CSMD1: variants seen among roughly 807,000 people sequenced by gnomAD.
CSMD1 encodes the protein CUB and Sushi multiple domains 1, also known as CUB and sushi domain-containing protein 1.
In CSMD1, 213 loss-of-function variants were observed where a neutral mutation model predicts 417.5. The observed-to-expected ratio is 0.51, with a 90% CI of 0.46 to 0.57. The LOEUF is 0.57. CSMD1 is among the 20% of genes least tolerant of loss of function. The pLI is 0.00. For synonymous variants in CSMD1, 2,862 were observed against 1,736.8 expected (o/e 1.65, Z -16.11); for missense variants, 6,923 against 4,529.7 (o/e 1.53, Z -15.17).
At chr8:3,907,473 G>A (rs1308187181) in intron 5 of CSMD1, among the ~76,000 whole-genome samples, 2 of 152,086 alleles carry the variant, frequency 1.3e-5, no homozygotes, top group East Asian at 1.9e-4. Context: ...AAGGCAGTAT[G>A]GTAAAAAATG....
At chr8:4,649,158 G>A (rs1174310337) in intron 1 of CSMD1, among the ~76,000 whole-genome samples, 2 of 152,114 alleles carry the variant, frequency 1.3e-5, no homozygotes, top group East Asian at 1.9e-4. Flanking sequence ...GCTCTAGACT[G>A]GCAGCCATGA....
intron 7 of CSMD1, among the ~76,000 whole-genome samples, chr8:3,679,886 C>G (rs947698609): frequency 2.0e-5 from 3 of 152,196 alleles, no homozygotes; most frequent in African/African-American, 4.8e-5. Flanking sequence ...GAAACTCACT[C>G]AAAACCACAC....
chr8:3,648,384 G>C (rs549226337), intron 7 of CSMD1, among the ~76,000 whole-genome samples: 1 of 152,140 alleles, frequency 6.6e-6, no homozygotes, highest in Non-Finnish European at 1.5e-5. Context: ...TTAAGACTTT[G>C]TGAGACTGAC....
chr8:4,608,879 T>G (rs1480154843), intron 2 of CSMD1, among the ~76,000 whole-genome samples: 1 of 152,226 alleles, frequency 6.6e-6, no homozygotes, highest in Admixed American at 6.5e-5. Context: ...AACATTTGTT[T>G]GTTCTTTTAA....
At chr8:4,066,770 A>C (rs1378798287) in intron 3 of CSMD1, among the ~76,000 whole-genome samples, 1 of 152,110 alleles carries the variant, frequency 6.6e-6, no homozygotes, top group African/African-American at 2.4e-5. Flanking sequence ...AAATACGGAA[A>C]GGGGCGAGAA....
rs142220493 is a variant in CSMD1, at chr8:4,597,455, T to C, written c.302+39887A>G. Among the ~76,000 whole-genome samples the C allele has an allele frequency of 7.8e-3, 1,190 of 152,286 alleles. 18 individuals are homozygous for C. Among genetic ancestry groups the C allele is most frequent in the African/African-American group, 0.026 (1,085 of 41,558 alleles). On this transcript the variant is annotated intron_variant, in intron 2 of 69. Coordinates refer to ENST00000635120, the MANE Select transcript of CSMD1 (RefSeq NM_033225.6). Reference sequence around the variant, plus strand: ...CTGGTCCTCTTGTAAACGAATGCTTTGAATTGAGTTTCATCTAAATTTTAT... The same window carrying C: ...CTGGTCCTCTTGTAAACGAATGCTTCGAATTGAGTTTCATCTAAATTTTAT...
At chr8:3,966,751 ACACGCGCGCG>A (rs1007656108) in intron 5 of CSMD1, among the ~76,000 whole-genome samples, 33 of 101,682 alleles carry the variant, frequency 3.2e-4, no homozygotes, top group Admixed American at 2.4e-3. Context: ...ACACACACAC[ACACGCGCGCG>A]CGCGCACACA....
chr8:3,837,162 A>G (rs376679615), intron 5 of CSMD1, among the ~76,000 whole-genome samples: 4 of 150,632 alleles, frequency 2.7e-5, no homozygotes, highest in Non-Finnish European at 5.9e-5. Flanking sequence ...AAAAAAAAAA[A>G]TCTGTTCACA....
At chr8:3,614,634 G>C (rs984108301) in intron 8 of CSMD1, among the ~76,000 whole-genome samples, 22 of 152,154 alleles carry the variant, frequency 1.4e-4, no homozygotes, top group African/African-American at 4.6e-4. Flanking sequence ...GAGTTAATTT[G>C]TTTTGTTTTT....
intron 23 of CSMD1, among the ~76,000 whole-genome samples, chr8:3,333,291 G>A (rs1807029129): frequency 6.6e-6 from 1 of 152,100 alleles, no homozygotes; most frequent in Admixed American, 6.5e-5. Context: ...ATAAGAAACG[G>A]TGCTGTTTCA....
chr8:3,335,705 A>C (rs1455532010), intron 23 of CSMD1, among the ~76,000 whole-genome samples: 1 of 152,160 alleles, frequency 6.6e-6, no homozygotes, highest in East Asian at 1.9e-4. Flanking sequence ...ATAAAGGTTA[A>C]TGGTAACAAT....
chr8:4,799,100 C>A (rs752513412), intron 1 of CSMD1, among the ~76,000 whole-genome samples: 1 of 152,158 alleles, frequency 6.6e-6, no homozygotes. Flanking sequence ...TCTTTCCTTC[C>A]GGGCCATGGG....
Position 3,907,329 on chromosome 8 carries a change from C to A in CSMD1, c.818+90574G>T, listed in dbSNP as rs77032652. Reference sequence around the variant, plus strand: ...CGTGGATGGTACATATTTGCTGTTTCTAAAAGTTATAATTAGAAAAAACAA... The same window carrying A: ...CGTGGATGGTACATATTTGCTGTTTATAAAAGTTATAATTAGAAAAAACAA... On this transcript the variant is annotated intron_variant, in intron 5 of 69. Transcript: ENST00000635120. Among the ~76,000 whole-genome samples, 1,096 of 152,194 alleles carry A rather than the reference C, an allele frequency of 7.2e-3. 9 individuals are homozygous for A. The highest frequency in any genetic ancestry group is 0.025 in the African/African-American group (1,032 of 41,528).
intron 3 of CSMD1, among the ~76,000 whole-genome samples, chr8:4,357,899 G>A (rs1409997238): frequency 6.6e-6 from 1 of 152,000 alleles, no homozygotes; most frequent in African/African-American, 2.4e-5. Flanking sequence ...TATAATTGTA[G>A]TATTTATAAA....
chr8:4,737,666 G>C (rs1213486654), intron 1 of CSMD1, among the ~76,000 whole-genome samples: 1 of 152,148 alleles, frequency 6.6e-6, no homozygotes, highest in African/African-American at 2.4e-5. Flanking sequence ...AAAGAGACAG[G>C]TTGGATGAAT....
chr8:4,725,847 T>G (rs1426969416), intron 1 of CSMD1, among the ~76,000 whole-genome samples: 2 of 151,916 alleles, frequency 1.3e-5, no homozygotes, highest in Admixed American at 6.6e-5. Context: ...GCTAAAGGAG[T>G]TTTGAGACCT....
intron 26 of CSMD1, among the ~76,000 whole-genome samples, chr8:3,242,946 A>G (rs1043176144): frequency 6.6e-6 from 1 of 152,082 alleles, no homozygotes; most frequent in African/African-American, 2.4e-5. Context: ...ACGTGGGTGA[A>G]CAATCAGAGA....
chr8:3,587,819 A>G (rs73179181), intron 8 of CSMD1, among the ~76,000 whole-genome samples: 236 of 152,300 alleles, frequency 1.5e-3, no homozygotes, highest in Middle Eastern at 3.4e-3. Flanking sequence ...TTCCAGATTT[A>G]TCTGTCTAGG....
At chr8:4,646,942 G>C (rs946524033) in intron 1 of CSMD1, among the ~76,000 whole-genome samples, 6 of 152,120 alleles carry the variant, frequency 3.9e-5, no homozygotes, top group Admixed American at 2.0e-4. Context: ...TTTTTAAAAA[G>C]AGATATAAAT....
Sources: allele counts gnomAD v4.1 joint callset (sites outside exome capture counted in the v4.1 genomes callset), GRCh38; gene constraint gnomAD v4.1.1; transcripts MANE v1.5; gene names NCBI Gene and HGNC (gene_info 2026-07-23, HGNC 2026-07-21).